The following VPS45 variants were observed in gnomAD, a reference collection of about 807,000 sequenced individuals.
The protein encoded by VPS45 is vacuolar protein sorting-associated protein 45.
Under a neutral mutation model 75.9 loss-of-function variants are expected in VPS45, and 35 were observed. That is an observed-to-expected ratio of 0.46 (90% CI 0.35 to 0.61). The LOEUF is 0.61. Ranked by LOEUF, VPS45 falls within the 20% of genes least tolerant of loss-of-function variation. The pLI is 0.00. For synonymous variants in VPS45, 220 were observed against 238.2 expected (o/e 0.92, Z 0.70); for missense variants, 559 against 685.9 (o/e 0.81, Z 2.07).
At chr1:150,092,868 G>T (rs1214243903) in intron 12 of VPS45, among the ~76,000 whole-genome samples, 1 of 129,052 alleles carries the variant, frequency 7.7e-6, no homozygotes, top group Non-Finnish European at 1.6e-5. Context: ...TTGAGACGGA[G>T]TCTCGCTCTG....
chr1:150,130,666 A>G (rs1021431387), intron 14 of VPS45, among the ~76,000 whole-genome samples: 1 of 152,164 alleles, frequency 6.6e-6, no homozygotes, highest in Non-Finnish European at 1.5e-5. Context: ...CTACTATATT[A>G]CAGGGGTTAC....
chr1:150,116,476 CTG>C (rs1199297069), intron 14 of VPS45, among the ~76,000 whole-genome samples: 1 of 152,116 alleles, frequency 6.6e-6, no homozygotes, highest in Non-Finnish European at 1.5e-5. Flanking sequence ...TATATGGAAA[CTG>C]AGGCACAGAG....
At chr1:150,144,666 T>A (rs782586461) in intron 14 of VPS45, 43 bp from the exon 15 acceptor site, 72 of 1,538,960 alleles carry the variant, frequency 4.7e-5, no homozygotes, top group African/African-American at 8.3e-5. Flanking sequence ...TTTTTGGAGA[T>A]GCTTTTGTTT....
Position 150,079,086 on chromosome 1 carries a change from G to C in VPS45, c.687+1307G>C, listed in dbSNP as rs370217628. On this transcript the variant is annotated intron_variant, in intron 7 of 14. Coordinates refer to ENST00000644510, the MANE Select transcript of VPS45 (RefSeq NM_007259.5). ...AGATCATGCCACTGTCCTCCAGCCT[G>C]GGCAACGAGAGCGAAACTCTTGTCT... Among the ~76,000 whole-genome samples, 5 of 145,716 alleles carry C rather than the reference G, an allele frequency of 3.4e-5. No homozygotes were observed. In the East Asian group the frequency reaches 8.1e-4, roughly 24 times the overall value.
chr1:150,067,841 C>T lies in VPS45; in HGVS notation c.-17C>T, dbSNP rs782192985. The T allele has an allele frequency of 4.3e-6, 7 of 1,613,628 alleles. 1 individual carries two copies. In the South Asian group the frequency reaches 7.7e-5, roughly 18 times the overall value. On this transcript the variant is annotated 5_prime_UTR_variant, in exon 1 of 15. Transcript: ENST00000644510. Reference sequence around the variant, plus strand: ...AGGGGGCGGGAAGGGCTGTAGGGTACTTGTCAATTCGCCGCCATGAACGTG... The same window carrying T: ...AGGGGGCGGGAAGGGCTGTAGGGTATTTGTCAATTCGCCGCCATGAACGTG...
intron 2 of VPS45, among the ~76,000 whole-genome samples, chr1:150,069,991 A>G (rs587704129): frequency 1.1e-4 from 17 of 151,886 alleles, no homozygotes; most frequent in African/African-American, 4.1e-4. Flanking sequence ...CCCCTTTTGC[A>G]CTCTGCATCT....
chr1:150,130,547 A>G (rs1658779121), intron 14 of VPS45, among the ~76,000 whole-genome samples: 1 of 152,168 alleles, frequency 6.6e-6, no homozygotes, highest in African/African-American at 2.4e-5. Context: ...GCTTTCAATG[A>G]AAATGCTTAT....
chr1:150,107,330 A>C (rs925674536), intron 13 of VPS45, among the ~76,000 whole-genome samples: 2 of 152,146 alleles, frequency 1.3e-5, no homozygotes, highest in African/African-American at 4.8e-5. Context: ...TCTCAAACCT[A>C]AACCACTACA....
At chr1:150,068,343 CA>C (rs1357907277) in intron 1 of VPS45, 2 of 369,986 alleles carry the variant, frequency 5.4e-6, no homozygotes, top group African/African-American at 4.2e-5. Context: ...GACCAGAAAA[CA>C]AAACTCTTTA....
At chr1:150,118,701 C>T (rs587767699) in intron 14 of VPS45, among the ~76,000 whole-genome samples, 91 of 152,272 alleles carry the variant, frequency 6.0e-4, no homozygotes, top group Non-Finnish European at 9.1e-4. Context: ...CCACCGCACC[C>T]GGCCTCAACA....
At chr1:150,140,637 A>T (rs781969980) in intron 14 of VPS45, among the ~76,000 whole-genome samples, 2 of 152,064 alleles carry the variant, frequency 1.3e-5, no homozygotes, top group Non-Finnish European at 2.9e-5. Context: ...TGCCTAGCAC[A>T]TAGTAGACAC....
rs782510802 is a variant in VPS45 at position 150,068,639 on chromosome 1, G to C, written c.103G>C (p.Val35Leu). Residue 35 changes from valine (V) to leucine (L), a missense_variant, in exon 2 of 15, where the codon GTG becomes CTG. By Grantham distance (32) the Val-to-Leu change is conservative. Coordinates refer to ENST00000644510, the MANE Select transcript of VPS45 (RefSeq NM_007259.5). Reference sequence around the variant, plus strand: ...TCTTTTGTTTTTACAGACTGGCATAGTGAGTATGGTATACACACAATCGGA... The same window carrying C: ...TCTTTTGTTTTTACAGACTGGCATACTGAGTATGGTATACACACAATCGGA... ...LLMDKETTGI[V>L]SMVYTQSEIL... 1 of 1,575,968 alleles carries C rather than the reference G, an allele frequency of 6.3e-7. No homozygotes were observed. The highest frequency in any genetic ancestry group is 1.2e-5 in the South Asian group (1 of 85,508).
intron 14 of VPS45, among the ~76,000 whole-genome samples, chr1:150,139,463 G>A (rs1553814686): frequency 6.6e-6 from 1 of 152,126 alleles, no homozygotes; most frequent in Non-Finnish European, 1.5e-5. Context: ...CCTTCCTTGG[G>A]TACTAGTTTT....
chr1:150,087,157 A>T (rs587735690), intron 10 of VPS45, among the ~76,000 whole-genome samples: 4 of 152,350 alleles, frequency 2.6e-5, no homozygotes, highest in Admixed American at 2.6e-4. Flanking sequence ...AATATCAGAA[A>T]AGAAGAATGG....
intron 14 of VPS45, among the ~76,000 whole-genome samples, chr1:150,115,171 T>C (rs1303145779): frequency 1.3e-5 from 2 of 152,216 alleles, no homozygotes; most frequent in Non-Finnish European, 2.9e-5. Context: ...CTGTGAGATA[T>C]ATGTTAAACC....
At chr1:150,079,903 A>G (rs1483554409) in intron 7 of VPS45, among the ~76,000 whole-genome samples, 1 of 152,174 alleles carries the variant, frequency 6.6e-6, no homozygotes, top group African/African-American at 2.4e-5. Context: ...TAGAAAGAAA[A>G]TTAATTGCCT....
chr1:150,068,650 A>G lies in VPS45; in HGVS notation c.114A>G (p.Val38=), dbSNP rs1180456081. The G allele has an allele frequency of 1.4e-5, 23 of 1,608,948 alleles. No individual in the cohort carries two copies. The Admixed American group carries it at 3.2e-4, about 23-fold the overall frequency. ...TACAGACTGGCATAGTGAGTATGGT[A>G]TACACACAATCGGAGATTCTACAGA... ...DKETTGIVSM[V]YTQSEILQKE... is the part of the protein sequence containing the mutation. Residue 38 remains valine, a synonymous_variant, in exon 2 of 15, where the codon GTA becomes GTG. Coordinates refer to ENST00000644510, the MANE Select transcript of VPS45 (RefSeq NM_007259.5).
At chr1:150,088,631 T>C (rs116319186) in intron 10 of VPS45, among the ~76,000 whole-genome samples, 5,125 of 151,586 alleles carry the variant, frequency 0.034, 239 homozygotes, top group African/African-American at 0.11. Context: ...AGGTATACAC[T>C]GCCATGCCCA....
intron 12 of VPS45, 142 bp from the exon 13 acceptor site, chr1:150,093,385 A>G (rs1656447947): frequency 5.4e-6 from 5 of 928,058 alleles, no homozygotes; most frequent in Non-Finnish European, 7.7e-6. Flanking sequence ...TGATTAAAAT[A>G]ATTTTTAAAT....
Sources: gnomAD v4.1 joint callset for allele counts (sites outside exome capture counted in the v4.1 genomes callset) on GRCh38, gnomAD v4.1.1 for gene constraint, MANE v1.5 for transcripts, NCBI Gene and HGNC (gene_info 2026-07-23, HGNC 2026-07-21) for gene names.